NRXN3: variants seen among roughly 807,000 people sequenced by gnomAD.
The protein encoded by NRXN3 is neurexin 3, also known as neurexin III.
NRXN3 carries 32 observed loss-of-function variants against 137.6 expected under a neutral mutation model. The ratio of observed to expected loss-of-function variants is 0.23; its 90% CI spans 0.18 to 0.31. The LOEUF (loss-of-function observed/expected upper bound fraction) is 0.31. Among genes scored for constraint, NRXN3 ranks in the 10% least tolerant of loss-of-function variants. The probability of loss-of-function intolerance (pLI) is 1.00; values close to 1 mark genes in which losing one functional copy is unlikely to be tolerated. For missense variants in NRXN3, 1,574 were observed against 2,062.5 expected (o/e 0.76, Z 4.59); for synonymous variants, 798 against 784.5 (o/e 1.02, Z -0.29).
At chr14:79,859,918 G>A (rs562840889) in intron 20 of NRXN3, among the ~76,000 whole-genome samples, 30 of 152,210 alleles carry the variant, frequency 2.0e-4, no homozygotes, top group Admixed American at 2.0e-3. Flanking sequence ...AAGAGACATG[G>A]ACTATGACTT....
intron 4 of NRXN3, among the ~76,000 whole-genome samples, chr14:78,315,369 C>T (rs1316331557): frequency 1.3e-5 from 2 of 152,060 alleles, no homozygotes; most frequent in Non-Finnish European, 2.9e-5. Flanking sequence ...GAGAATCACC[C>T]AGGGAACTTG....
intron 16 of NRXN3, among the ~76,000 whole-genome samples, chr14:79,514,159 CTTT>C (rs199865431): frequency 1.3e-5 from 2 of 149,210 alleles, no homozygotes; most frequent in African/African-American, 2.5e-5. Context: ...GCAATGTTTT[CTTT>C]TTTTTTATTT....
chr14:78,892,149 A>G (rs982317388), intron 10 of NRXN3, among the ~76,000 whole-genome samples: 22 of 151,970 alleles, frequency 1.4e-4, no homozygotes, highest in African/African-American at 5.1e-4. Flanking sequence ...CTAGCAATTT[A>G]TGGTTGTAAA....
chr14:78,482,691 G>A (rs568002588), intron 4 of NRXN3, among the ~76,000 whole-genome samples: 2 of 152,304 alleles, frequency 1.3e-5, no homozygotes, highest in Admixed American at 1.3e-4. Flanking sequence ...TTGACAGAAA[G>A]AATAGACAAT....
At chr14:79,357,952 C>T (rs1168745065) in intron 15 of NRXN3, among the ~76,000 whole-genome samples, 1 of 152,160 alleles carries the variant, frequency 6.6e-6, no homozygotes, top group Non-Finnish European at 1.5e-5. Context: ...AACATAGCTC[C>T]CACACTAGGA....
At chr14:79,800,918 T>C (rs944985055) in intron 19 of NRXN3, among the ~76,000 whole-genome samples, 1 of 152,220 alleles carries the variant, frequency 6.6e-6, no homozygotes, top group Non-Finnish European at 1.5e-5. Context: ...TTCTAGATGT[T>C]AGGGACAAAA....
chr14:79,148,568 T>C (rs1417818716), intron 15 of NRXN3, among the ~76,000 whole-genome samples: 1 of 152,132 alleles, frequency 6.6e-6, no homozygotes, highest in Non-Finnish European at 1.5e-5. Flanking sequence ...TTCTGCTGAC[T>C]TCATAAGAAC....
chr14:78,279,528 G>T (rs950104779), intron 3 of NRXN3: 1 of 152,126 alleles, frequency 6.6e-6, no homozygotes, highest in African/African-American at 2.4e-5. Context: ...TTCTTGTTTA[G>T]TCCTTTTAAT....
intron 16 of NRXN3, among the ~76,000 whole-genome samples, chr14:79,653,471 T>G (rs1225876838): frequency 6.6e-6 from 1 of 152,178 alleles, no homozygotes; most frequent in East Asian, 1.9e-4. Context: ...CATTACAATT[T>G]TAATGACTTA....
At chr14:79,815,461 A>G (rs2140928134) in intron 20 of NRXN3, among the ~76,000 whole-genome samples, 1 of 152,246 alleles carries the variant, frequency 6.6e-6, no homozygotes, top group East Asian at 1.9e-4. Flanking sequence ...CAGGGTAGCT[A>G]TTGGTTTTTC....
chr14:78,627,673 TTA>T (rs2097480155), intron 4 of NRXN3, among the ~76,000 whole-genome samples: 1 of 152,234 alleles, frequency 6.6e-6, no homozygotes, highest in African/African-American at 2.4e-5. Context: ...ACTAATGAAC[TTA>T]TATAAAAATC....
chr14:79,059,480 A>G (rs2099671475), intron 15 of NRXN3, among the ~76,000 whole-genome samples: 1 of 151,912 alleles, frequency 6.6e-6, no homozygotes, highest in Non-Finnish European at 1.5e-5. Context: ...GATGGTCTCG[A>G]TCTCCTGACC....
intron 4 of NRXN3, among the ~76,000 whole-genome samples, chr14:78,456,853 C>CTTTCTTTCT (rs1415027844): frequency 7.8e-5 from 10 of 128,906 alleles, no homozygotes; most frequent in Non-Finnish European, 1.4e-4. Flanking sequence ...TTCTTTCTTT[C>CTTTCTTTCT]TTTTTCTCTT....
rs550705459 is a variant in NRXN3, at chr14:78,559,962, T to A, written c.758-85158T>A. Among the ~76,000 whole-genome samples, 21 of 152,354 alleles carry A rather than the reference T, an allele frequency of 1.4e-4. No homozygotes were observed. In the South Asian group the frequency reaches 3.9e-3, roughly 29 times the overall value. The stretch of plus-strand genomic sequence containing the variant: ...AGCACCTTTTGGATTGTAAATTGCA[T>A]CTTTCTTCCTTACCTGTGTATGCCC... On this transcript the variant is annotated intron_variant, in intron 4 of 20. Coordinates refer to ENST00000335750, the MANE Select transcript of NRXN3 (RefSeq NM_001330195.2).
chr14:78,629,080 C>CCAG (rs1193091768), intron 4 of NRXN3, among the ~76,000 whole-genome samples: 2 of 152,118 alleles, frequency 1.3e-5, no homozygotes, highest in African/African-American at 4.8e-5. Flanking sequence ...AGAGCTAAAG[C>CCAG]CCTGATACAC....
intron 15 of NRXN3, among the ~76,000 whole-genome samples, chr14:79,278,469 G>A (rs2080672457): frequency 6.6e-6 from 1 of 152,182 alleles, no homozygotes; most frequent in African/African-American, 2.4e-5. Flanking sequence ...TCTCCCCTGC[G>A]TGTTCAGTCG....
intron 4 of NRXN3, among the ~76,000 whole-genome samples, chr14:78,344,891 A>G (rs73308938): frequency 0.036 from 5,496 of 152,268 alleles, 279 homozygotes; most frequent in African/African-American, 0.12. Context: ...AAGCTCCCCA[A>G]TTGTTTCCTA....
At chr14:78,525,304 G>A (rs924071516) in intron 4 of NRXN3, among the ~76,000 whole-genome samples, 1 of 152,134 alleles carries the variant, frequency 6.6e-6, no homozygotes, top group Non-Finnish European at 1.5e-5. Flanking sequence ...ATGGGTCAGG[G>A]GACTGTTGTG....
At chr14:78,529,829 C>T (rs1348957130) in intron 4 of NRXN3, among the ~76,000 whole-genome samples, 11 of 152,170 alleles carry the variant, frequency 7.2e-5, no homozygotes, top group African/African-American at 2.4e-4. Context: ...CTTGCTACCA[C>T]ATGGCCTTTT....
Sources: allele counts gnomAD v4.1 joint callset (sites outside exome capture counted in the v4.1 genomes callset), GRCh38; gene constraint gnomAD v4.1.1; transcripts MANE v1.5; gene names NCBI Gene and HGNC (gene_info 2026-07-23, HGNC 2026-07-21).